The following AUTS2 variants were observed in gnomAD, a reference collection of about 807,000 sequenced individuals.
AUTS2 encodes activator of transcription and developmental regulator AUTS2.
Under a neutral mutation model 112.4 loss-of-function variants are expected in AUTS2, and 17 were observed. That is an observed-to-expected ratio of 0.15 (90% CI 0.10 to 0.23). AUTS2 has a LOEUF of 0.23. Ranked by LOEUF, AUTS2 falls within the 10% of genes least tolerant of loss-of-function variation. AUTS2 has a pLI of 1.00. For synonymous variants in AUTS2, 751 were observed against 702.7 expected, an observed-to-expected ratio of 1.07 and a Z score of -1.09; for missense variants, 1,510 against 1,701.6, an observed-to-expected ratio of 0.89 and a Z score of 1.98.
At chr7:70,410,147 C>T (rs916136384) in intron 4 of AUTS2, among the ~76,000 whole-genome samples, 1 of 152,168 alleles carries the variant, frequency 6.6e-6, no homozygotes, top group African/African-American at 2.4e-5. Context: ...TTTTGCCCAT[C>T]ATCAGGTGGG....
At chr7:70,231,491 G>A (rs1812045697) in intron 4 of AUTS2, among the ~76,000 whole-genome samples, 1 of 152,082 alleles carries the variant, frequency 6.6e-6, no homozygotes, top group Non-Finnish European at 1.5e-5. Flanking sequence ...CGCCCAGGCT[G>A]GAGTGCAGTG....
At chr7:69,818,009 G>A (rs1790835925) in intron 1 of AUTS2, among the ~76,000 whole-genome samples, 1 of 152,204 alleles carries the variant, frequency 6.6e-6, no homozygotes, top group Non-Finnish European at 1.5e-5. Context: ...TGAGCTGTTT[G>A]CCTGCATTTA....
At chr7:70,207,884 G>A (rs994252435) in intron 4 of AUTS2, among the ~76,000 whole-genome samples, 8 of 151,924 alleles carry the variant, frequency 5.3e-5, no homozygotes, top group Admixed American at 3.9e-4. Flanking sequence ...GGTGGTGCAT[G>A]CCTGTAATCC....
intron 1 of AUTS2, among the ~76,000 whole-genome samples, chr7:69,617,565 C>T (rs980432682): frequency 7.9e-5 from 12 of 152,110 alleles, no homozygotes; most frequent in African/African-American, 2.4e-4. Context: ...CCTGCAGTCA[C>T]TTTAACTGAG....
chr7:70,407,114 T>C (rs1484172798), intron 4 of AUTS2, among the ~76,000 whole-genome samples: 1 of 152,166 alleles, frequency 6.6e-6, no homozygotes, highest in Admixed American at 6.5e-5. Flanking sequence ...AGAGGAAAGC[T>C]GACATTTTGA....
intron 1 of AUTS2, among the ~76,000 whole-genome samples, chr7:69,630,549 T>C (rs1365614409): frequency 6.6e-6 from 1 of 152,226 alleles, no homozygotes; most frequent in African/African-American, 2.4e-5. Flanking sequence ...GAATCAGATT[T>C]TCTTTAGTAT....
intron 1 of AUTS2, among the ~76,000 whole-genome samples, chr7:69,886,801 G>GTC (rs1487399269): frequency 6.6e-6 from 1 of 151,372 alleles, no homozygotes; most frequent in Non-Finnish European, 1.5e-5. Context: ...GTGTGTGTGT[G>GTC]TGTGTGTGTC....
chr7:70,079,052 G>C (rs1330701946), intron 2 of AUTS2, among the ~76,000 whole-genome samples: 1 of 152,168 alleles, frequency 6.6e-6, no homozygotes, highest in African/African-American at 2.4e-5. Context: ...CTGGAGAAGA[G>C]TTCTGTTTGC....
At chr7:70,470,578 C>T (rs2115866860) in intron 5 of AUTS2, among the ~76,000 whole-genome samples, 1 of 152,312 alleles carries the variant, frequency 6.6e-6, no homozygotes, top group East Asian at 1.9e-4. Flanking sequence ...GCATCTGGCT[C>T]ATCCCTGGAC....
intron 5 of AUTS2, among the ~76,000 whole-genome samples, chr7:70,613,269 A>G (rs1804191238): frequency 6.9e-6 from 1 of 144,622 alleles, no homozygotes; most frequent in African/African-American, 2.6e-5. Context: ...GTGTGTGTGT[A>G]TTTTTTGCCT....
chr7:69,893,366 A>G (rs1794607034), intron 1 of AUTS2, among the ~76,000 whole-genome samples: 1 of 152,156 alleles, frequency 6.6e-6, no homozygotes, highest in Non-Finnish European at 1.5e-5. Flanking sequence ...ATTTCTTATC[A>G]CTGGAGACTC....
At chr7:70,052,228 A>G (rs1305334569) in intron 2 of AUTS2, among the ~76,000 whole-genome samples, 1 of 152,182 alleles carries the variant, frequency 6.6e-6, no homozygotes, top group East Asian at 1.9e-4. Context: ...TTTCAGTGGC[A>G]GACAGAGTAT....
rs116436062 is a variant in AUTS2 at position 70,753,767 on chromosome 7, G to T, written c.743-9103G>T. On this transcript the variant is annotated intron_variant, in intron 6 of 18. Transcript: ENST00000342771. ...AAGTATTGCTAAATTAACTCAGTAG[G>T]GCGGTTGGGGTTTTAATACGTATAT... is the stretch of plus-strand genomic sequence containing the variant. Among the ~76,000 whole-genome samples, 380 of 152,304 alleles carry T rather than the reference G, an allele frequency of 2.5e-3. 5 individuals are homozygous for T. The highest frequency in any genetic ancestry group is 7.5e-3 in the African/African-American group (313 of 41,570).
intron 4 of AUTS2, among the ~76,000 whole-genome samples, chr7:70,268,059 C>T (rs1015902692): frequency 1.3e-5 from 2 of 152,160 alleles, no homozygotes; most frequent in African/African-American, 2.4e-5. Flanking sequence ...AAAATGAACT[C>T]GTTAGAGGCA....
chr7:70,515,346 C>G (rs1459865607), intron 5 of AUTS2, among the ~76,000 whole-genome samples: 1 of 152,078 alleles, frequency 6.6e-6, no homozygotes, highest in Non-Finnish European at 1.5e-5. Context: ...AGGACCTGAA[C>G]CTAAACCATG....
Position 70,739,003 on chromosome 7 carries a change from C to CTTTTTTTTTTTTTTTTTTTTT in AUTS2, c.743-23853_743-23833dup, listed in dbSNP as rs57525224. On this transcript the variant is annotated intron_variant, in intron 6 of 18. Transcript: ENST00000342771. The stretch of plus-strand genomic sequence containing the variant: ...GGTGATGTCCACGAGGTTTTGAGGC[C>CTTTTTTTTTTTTTTTTTTTTT]TTTTTTTTTTTTTTTTTTTTTTTTT... 2.1e-4 allele frequency among the ~76,000 whole-genome samples: 12 copies of CTTTTTTTTTTTTTTTTTTTTT among 57,308 alleles called. 1 individual carries two copies. The highest frequency in any genetic ancestry group is 3.2e-4 in the Non-Finnish European group (10 of 31,712). The allele number at this position is 57,308 out of a possible 152,430, so 37.6% of individuals were successfully genotyped here.
In AUTS2 at chr7:70,382,268, A is replaced by G. The variant is rs567356714; in HGVS notation, c.661-53484A>G. Among the ~76,000 whole-genome samples, 32 of 152,282 alleles carry G rather than the reference A, an allele frequency of 2.1e-4. No homozygotes were observed. In the South Asian group the frequency reaches 5.6e-3, roughly 27 times the overall value. ...TTCCAAATTGACTTTTTCTTAGATC[A>G]GTTCAGAATCTCCATGTTTCCTCAC... On this transcript the variant is annotated intron_variant, in intron 4 of 18. Transcript: ENST00000342771.
chr7:69,795,969 C>T (rs1789823209), intron 1 of AUTS2, among the ~76,000 whole-genome samples: 1 of 152,192 alleles, frequency 6.6e-6, no homozygotes, highest in South Asian at 2.1e-4. Context: ...GGTTCATGCA[C>T]ATAGTTACCT....
At chr7:70,335,984 C>T (rs966385702) in intron 4 of AUTS2, among the ~76,000 whole-genome samples, 2 of 152,142 alleles carry the variant, frequency 1.3e-5, no homozygotes, top group Non-Finnish European at 2.9e-5. Flanking sequence ...TTGCAGCAAG[C>T]ATCTCAAGTA....
Sources: allele counts gnomAD v4.1 joint callset (sites outside exome capture counted in the v4.1 genomes callset), GRCh38; gene constraint gnomAD v4.1.1; transcripts MANE v1.5; gene names NCBI Gene and HGNC (gene_info 2026-07-23, HGNC 2026-07-21).